SCAP: variants seen among roughly 807,000 people sequenced by gnomAD.
SCAP encodes the protein sterol regulatory element-binding protein cleavage-activating protein.
Under a neutral mutation model 123.6 loss-of-function variants are expected in SCAP, and 65 were observed. The observed-to-expected ratio is 0.53, with a 90% CI of 0.43 to 0.65. The LOEUF (loss-of-function observed/expected upper bound fraction) is 0.65, where lower values mean the gene tolerates loss of function less well. SCAP is among the 30% of genes least tolerant of loss of function. The pLI is 0.00. For missense variants in SCAP, 1,398 were observed against 1,712.5 expected (o/e 0.82, Z 3.24); for synonymous variants, 740 against 726.3 (o/e 1.02, Z -0.30).
chr3:47,439,805 CCTG>C lies in SCAP; in HGVS notation c.122+3064_122+3066del, dbSNP rs1186201344. 6.6e-6 allele frequency among the ~76,000 whole-genome samples: 1 copy of C among 152,226 alleles called. No homozygotes were observed. Among genetic ancestry groups the C allele is most frequent in the Non-Finnish European group, 1.5e-5 (1 of 68,042 alleles). On this transcript the variant is annotated intron_variant, in intron 2 of 22. Coordinates refer to ENST00000265565, the MANE Select transcript of SCAP (RefSeq NM_012235.4). This position sits in a 1 kb window ranked among gnomAD's most constrained non-coding sequence, Gnocchi z 4.0. ...AGGAAGAACAGCTAACTCTAGCTCA[CCTG>C]CAAGGCTCAGCACTGGGTTCATTTG... is the stretch of plus-strand genomic sequence containing the variant.
At chr3:47,440,867 G>GA (rs1318698283) in intron 2 of SCAP, among the ~76,000 whole-genome samples, 6 of 149,704 alleles carry the variant, frequency 4.0e-5, no homozygotes, top group African/African-American at 1.2e-4. Context: ...TCTCAAGGAA[G>GA]AAAAAAAAGA....
In SCAP at chr3:47,419,432, G is replaced by T. The variant is rs1413654277; in HGVS notation, c.1836C>A (p.Val612=). 3.1e-6 allele frequency: 5 copies of T among 1,613,816 alleles called. No homozygotes were observed. The highest frequency in any genetic ancestry group is 1.7e-5 in the Admixed American group (1 of 60,004). The change falls in exon 13 of 23, where the codon GTC becomes GTA. Residue 612 remains valine (V), a synonymous_variant. Coordinates refer to ENST00000265565, the MANE Select transcript of SCAP (RefSeq NM_012235.4). This position sits in a 1 kb window ranked among gnomAD's most constrained non-coding sequence, Gnocchi z 5.0. ...GPAEVVHDSP[V]PEVTWGPEDE... ...CCTCAGGCCCCCAGGTTACCTCTGG[G>T]ACTGGGCTGTCATGGACAACCTCTG...
intron 1 of SCAP, among the ~76,000 whole-genome samples, chr3:47,453,067 G>C (rs1707284122): frequency 6.6e-6 from 1 of 152,116 alleles, no homozygotes; most frequent in African/African-American, 2.4e-5. Context: ...CTGCACTCTA[G>C]CCTGGGCAGA....
chr3:47,443,262 A>G, intron 1 of SCAP, 171 bp from the exon 2 acceptor site: 3 of 249,916 alleles, frequency 1.2e-5, no homozygotes, highest in South Asian at 5.3e-5. Context: ...ACACACACAC[A>G]CACACACACA....
intron 6 of SCAP, 125 bp downstream of exon 6, chr3:47,427,032 G>A (rs943030174): frequency 1.3e-5 from 9 of 697,512 alleles, no homozygotes; most frequent in Admixed American, 2.2e-5. Context: ...ACATTCAACA[G>A]GAGGCCTGGA....
chr3:47,469,136 T>G (rs1284389464), intron 1 of SCAP, among the ~76,000 whole-genome samples: 1 of 152,130 alleles, frequency 6.6e-6, no homozygotes, highest in Non-Finnish European at 1.5e-5. Flanking sequence ...TCACTTGAGG[T>G]CAGGAGTTCA....
intron 8 of SCAP, chr3:47,425,197 T>G (rs1042044439): frequency 8.1e-6 from 3 of 370,236 alleles, no homozygotes; most frequent in Admixed American, 8.8e-5. Flanking sequence ...TACATACTCA[T>G]GTATACACAA....
chr3:47,438,485 T>C (rs573200551), intron 2 of SCAP, among the ~76,000 whole-genome samples: 116 of 152,294 alleles, frequency 7.6e-4, no homozygotes, highest in African/African-American at 2.8e-3. Context: ...TCTTTATTCC[T>C]TTACTTTTCT....
At chr3:47,469,915 T>C in intron 1 of SCAP, 1 of 476,044 alleles carries the variant, frequency 2.1e-6, no homozygotes. Context: ...ATCCTTGACC[T>C]CTTAGTTCAC....
At chr3:47,421,093 C>G (rs768498714) in intron 10 of SCAP, 64 bp from the exon 11 acceptor site, 255 of 1,361,020 alleles carry the variant, frequency 1.9e-4, no homozygotes, top group Non-Finnish European at 2.3e-4. Flanking sequence ...CCAAGAGGAG[C>G]AGTACCCGGA....
chr3:47,427,339 C>T (rs554435479), intron 5 of SCAP, 77 bp from the exon 6 acceptor site: 47 of 1,538,862 alleles, frequency 3.1e-5, no homozygotes, highest in Non-Finnish European at 4.0e-5. Context: ...TTTCTCACCC[C>T]CACCCTGGGA....
At position 47,421,184 on chromosome 3, in the gene SCAP, C is replaced by T. The variant is rs552888969; in HGVS notation, c.1246-155G>A. ...GAGATGCTGGTTGGTCCTCAGCTCA[C>T]ATACCAGCAGCAGCTCACCCCGTCT... On this transcript the variant is annotated intron_variant, in intron 10 of 22. Coordinates refer to ENST00000265565, the MANE Select transcript of SCAP (RefSeq NM_012235.4). The T allele has an allele frequency of 1.5e-4, 100 of 656,606 alleles. No individual in the cohort carries two copies. In the South Asian group the frequency reaches 1.7e-3, roughly 11 times the overall value. The allele number at this position is 656,606 out of a possible 1,614,324, so 40.7% of individuals were successfully genotyped here.
intron 1 of SCAP, among the ~76,000 whole-genome samples, chr3:47,444,062 T>A (rs1297931477): frequency 6.6e-6 from 1 of 152,230 alleles, no homozygotes; most frequent in African/African-American, 2.4e-5. Flanking sequence ...ACCCTTCTAA[T>A]AAATTATCTT....
At position 47,439,404 on chromosome 3, in the gene SCAP, G is replaced by A. The variant is rs556580658; in HGVS notation, c.122+3468C>T. 1.1e-4 allele frequency among the ~76,000 whole-genome samples: 16 copies of A among 152,252 alleles called. No individual in the cohort carries two copies. In the East Asian group the frequency reaches 1.4e-3, roughly 13 times the overall value. On this transcript the variant is annotated intron_variant, in intron 2 of 22. Coordinates refer to ENST00000265565, the MANE Select transcript of SCAP (RefSeq NM_012235.4). This position sits in a 1 kb window ranked among gnomAD's most constrained non-coding sequence, Gnocchi z 4.0. ...AGCCTGGGCGACAGAGTGAGACCCC[G>A]TCTCAAAATCAAAAACAACACAATG...
chr3:47,426,465 A>G (rs547088506), intron 6 of SCAP, among the ~76,000 whole-genome samples: 2 of 152,028 alleles, frequency 1.3e-5, no homozygotes, highest in South Asian at 4.2e-4. Flanking sequence ...TTGAGACAAG[A>G]GTCTCGCTGT....
chr3:47,414,546 C>T (rs1010741516), intron 21 of SCAP, 26 bp downstream of exon 21: 2 of 1,612,792 alleles, frequency 1.2e-6, no homozygotes, highest in African/African-American at 2.7e-5. Flanking sequence ...ACTCTGTACC[C>T]CCTACCCCAC....
At chr3:47,445,054 G>A (rs1706976137) in intron 1 of SCAP, among the ~76,000 whole-genome samples, 1 of 152,110 alleles carries the variant, frequency 6.6e-6, no homozygotes, top group Non-Finnish European at 1.5e-5. Flanking sequence ...TTACAGGCAT[G>A]AGGCACCGAG....
intron 4 of SCAP, 69 bp downstream of exon 4, chr3:47,428,444 C>A (rs936040541): frequency 6.0e-6 from 9 of 1,495,256 alleles, no homozygotes; most frequent in African/African-American, 4.1e-5. Flanking sequence ...TGCAGTTACA[C>A]TGAGGACTGT....
chr3:47,437,410 G>T (rs1706621610), intron 2 of SCAP, among the ~76,000 whole-genome samples: 1 of 70,670 alleles, frequency 1.4e-5, no homozygotes, highest in Non-Finnish European at 2.6e-5. Flanking sequence ...CAACAAGAGT[G>T]AAACTCAATC....
Sources: gnomAD v4.1 joint callset for allele counts (sites outside exome capture counted in the v4.1 genomes callset) on GRCh38, gnomAD v4.1.1 for gene constraint, Gnocchi (gnomAD v3.1) non-coding constraint, MANE v1.5 for transcripts, NCBI Gene and HGNC (gene_info 2026-07-23, HGNC 2026-07-21) for gene names.